ZFAND3: variants seen among roughly 807,000 people sequenced by gnomAD.
ZFAND3 encodes the protein zinc finger AN1-type containing 3.
ZFAND3 carries 10 observed loss-of-function variants against 29.6 expected under a neutral mutation model. The observed-to-expected ratio is 0.34, with a 90% CI of 0.21 to 0.57. The LOEUF is 0.57. Ranked by LOEUF, ZFAND3 falls within the 20% of genes least tolerant of loss-of-function variation. ZFAND3 has a pLI of 0.86. For missense variants in ZFAND3, 230 were observed against 304.5 expected (o/e 0.76, Z 1.82); for synonymous variants, 128 against 112.6 (o/e 1.14, Z -0.87).
intron 2 of ZFAND3, among the ~76,000 whole-genome samples, chr6:37,951,470 C>T (rs950041506): frequency 1.3e-5 from 2 of 152,078 alleles, no homozygotes; most frequent in African/African-American, 2.4e-5. Flanking sequence ...TGGTGGGTGC[C>T]TGTAATCCCT....
intron 1 of ZFAND3, among the ~76,000 whole-genome samples, chr6:37,900,244 ATCT>A (rs994872804): frequency 6.6e-6 from 1 of 152,124 alleles, no homozygotes; most frequent in African/African-American, 2.4e-5. Flanking sequence ...TTCCCATATT[ATCT>A]TAATGTTTTT....
chr6:37,942,104 A>G (rs886438338), intron 2 of ZFAND3, among the ~76,000 whole-genome samples: 2 of 152,056 alleles, frequency 1.3e-5, no homozygotes, highest in African/African-American at 4.8e-5. Context: ...TGCTTTAGGG[A>G]CCTGGCTTTG....
At chr6:38,045,063 T>C (rs145746524) in intron 2 of ZFAND3, among the ~76,000 whole-genome samples, 1,551 of 132,458 alleles carry the variant, frequency 0.012, 24 homozygotes, top group African/African-American at 0.039. Flanking sequence ...CTTTTATTTA[T>C]TTATTTATTT....
chr6:37,829,467 G>A (rs1163079226), intron 1 of ZFAND3, among the ~76,000 whole-genome samples: 2 of 151,548 alleles, frequency 1.3e-5, no homozygotes, highest in Non-Finnish European at 2.9e-5. Context: ...ATCAGGAGGT[G>A]GAGGTTGCAG....
At chr6:38,074,400 A>G (rs1764513803) in intron 3 of ZFAND3, among the ~76,000 whole-genome samples, 1 of 152,196 alleles carries the variant, frequency 6.6e-6, no homozygotes, top group South Asian at 2.1e-4. Context: ...TTCATATGGG[A>G]TAAATATCAA....
chr6:38,011,404 T>C (rs11750950), intron 2 of ZFAND3, among the ~76,000 whole-genome samples: 13,395 of 152,268 alleles, frequency 0.088, 775 homozygotes, highest in East Asian at 0.29. Flanking sequence ...GTGGCCGTAC[T>C]GTTTTACAAA....
chr6:37,983,650 C>A (rs1012245540), intron 2 of ZFAND3, among the ~76,000 whole-genome samples: 2 of 152,090 alleles, frequency 1.3e-5, no homozygotes, highest in Non-Finnish European at 2.9e-5. Flanking sequence ...TGAGCCACCC[C>A]CCACCCCTGG....
At chr6:37,937,632 C>A (rs9369028) in intron 2 of ZFAND3, among the ~76,000 whole-genome samples, 1 of 117,024 alleles carries the variant, frequency 8.5e-6, no homozygotes, top group African/African-American at 3.3e-5. Flanking sequence ...TCCAGCCTAG[C>A]GACAGAGCGA....
intron 2 of ZFAND3, among the ~76,000 whole-genome samples, chr6:38,013,030 G>A (rs1250977126): frequency 6.6e-6 from 1 of 152,174 alleles, no homozygotes; most frequent in Non-Finnish European, 1.5e-5. Context: ...ATACTTGAGT[G>A]TATTTTCTAA....
At chr6:38,146,950 A>T (rs1766121718) in intron 5 of ZFAND3, among the ~76,000 whole-genome samples, 1 of 152,190 alleles carries the variant, frequency 6.6e-6, no homozygotes, top group African/African-American at 2.4e-5. Flanking sequence ...TTATTTGTAC[A>T]AATGTATGGG....
At chr6:38,059,946 G>C (rs9470758) in intron 2 of ZFAND3, among the ~76,000 whole-genome samples, 1 of 152,102 alleles carries the variant, frequency 6.6e-6, no homozygotes, top group African/African-American at 2.4e-5. Context: ...TAATTATTTT[G>C]TGTGAGCGTT....
intron 1 of ZFAND3, among the ~76,000 whole-genome samples, chr6:37,835,755 C>T (rs572148080): frequency 6.6e-6 from 1 of 151,854 alleles, no homozygotes; most frequent in South Asian, 2.1e-4. Flanking sequence ...TTTTTTTTAA[C>T]ACAAATAGCA....
intron 2 of ZFAND3, among the ~76,000 whole-genome samples, chr6:38,037,686 TC>T (rs1321167648): frequency 6.6e-6 from 1 of 152,170 alleles, no homozygotes; most frequent in Non-Finnish European, 1.5e-5. Context: ...AGGGTGCACA[TC>T]CACGACTAAC....
intron 1 of ZFAND3, among the ~76,000 whole-genome samples, chr6:37,883,526 A>G (rs1764934524): frequency 6.9e-6 from 1 of 145,020 alleles, no homozygotes; most frequent in Admixed American, 6.7e-5. Context: ...TAAATGATGT[A>G]TACCTTTTCT....
chr6:37,906,934 A>C (rs537386519), intron 1 of ZFAND3, among the ~76,000 whole-genome samples: 1 of 152,164 alleles, frequency 6.6e-6, no homozygotes, highest in South Asian at 2.1e-4. Flanking sequence ...ATTCTTCTCT[A>C]GGGAGCTTAT....
chr6:37,868,502 A>T (rs1444613837), intron 1 of ZFAND3, among the ~76,000 whole-genome samples: 1 of 152,104 alleles, frequency 6.6e-6, no homozygotes, highest in Admixed American at 6.5e-5. Flanking sequence ...CTACCTAGAG[A>T]TGTGACTGTA....
chr6:37,881,982 C>T (rs1764905211), intron 1 of ZFAND3, among the ~76,000 whole-genome samples: 1 of 152,066 alleles, frequency 6.6e-6, no homozygotes, highest in Non-Finnish European at 1.5e-5. Context: ...TGTGTCATGA[C>T]AATTTTGTTC....
chr6:37,913,940 G>A (rs1761179809), intron 1 of ZFAND3, among the ~76,000 whole-genome samples: 1 of 152,082 alleles, frequency 6.6e-6, no homozygotes, highest in African/African-American at 2.4e-5. Context: ...GGCCAGGCTG[G>A]TCTTGAACTC....
intron 1 of ZFAND3, among the ~76,000 whole-genome samples, chr6:37,911,356 A>C (rs1050991631): frequency 6.6e-6 from 1 of 152,152 alleles, no homozygotes; most frequent in South Asian, 2.1e-4. Context: ...GGAAATGTCT[A>C]TTCAGATCAT....
Sources: allele counts gnomAD v4.1 joint callset (sites outside exome capture counted in the v4.1 genomes callset), GRCh38; gene constraint gnomAD v4.1.1; transcripts MANE v1.5; gene names NCBI Gene and HGNC (gene_info 2026-07-23, HGNC 2026-07-21).